Variants in NELL1 observed in about 807,000 individuals in gnomAD.
NELL1 encodes neural EGFL like 1.
NELL1 carries 76 observed loss-of-function variants against 107.4 expected under a neutral mutation model. The observed-to-expected ratio is 0.71, with a 90% CI of 0.59 to 0.86. NELL1 has a LOEUF of 0.86. Among genes scored for constraint, NELL1 ranks in the 40% least tolerant of loss-of-function variants. The pLI, the probability that NELL1 is intolerant of heterozygous loss-of-function variation, is 0.00. For missense variants in NELL1, 1,024 were observed against 1,005.5 expected, an observed-to-expected ratio of 1.02 and a Z score of -0.25; for synonymous variants, 353 against 341.2, an observed-to-expected ratio of 1.03 and a Z score of -0.38.
chr11:21,519,545 G>GTGT (rs1554927752), intron 15 of NELL1, among the ~76,000 whole-genome samples: 1 of 147,078 alleles, frequency 6.8e-6, no homozygotes. Flanking sequence ...TTTGTTTTTT[G>GTGT]TTTTTTTTTT....
chr11:21,309,288 A>ATATATGTATATATATATATGTG (rs1269347149), intron 14 of NELL1, among the ~76,000 whole-genome samples: 6 of 117,338 alleles, frequency 5.1e-5, no homozygotes, highest in African/African-American at 2.1e-4. Context: ...ATGTATATAT[A>ATATATGTATATATATATATGTG]TATATATATA....
At chr11:21,154,960 T>G (rs916030124) in intron 13 of NELL1, among the ~76,000 whole-genome samples, 1 of 152,044 alleles carries the variant, frequency 6.6e-6, no homozygotes, top group Admixed American at 6.6e-5. Context: ...TGTAAGCAAG[T>G]TGGTCTAGGG....
rs970710032 is a variant in NELL1, at chr11:20,697,391, G to A, written c.184+19331G>A. The stretch of plus-strand genomic sequence containing the variant: ...TGCATGAGTGCAAATTCTTTAATAT[G>A]TTGCTTTTTTTTTTTTTTTTCCTGC... On this transcript the variant is annotated intron_variant, in intron 2 of 19. Coordinates refer to ENST00000357134, the MANE Select transcript of NELL1 (RefSeq NM_006157.5). Among the ~76,000 whole-genome samples, 5 of 129,118 alleles carry A rather than the reference G, an allele frequency of 3.9e-5. No individual in the cohort carries two copies. The East Asian group carries it at 8.3e-4, about 22-fold the overall frequency. 84.7% of individuals were successfully genotyped at this position (129,118 alleles called of 152,430 possible).
intron 2 of NELL1, among the ~76,000 whole-genome samples, chr11:20,739,063 G>C (rs59970358): frequency 0.051 from 7,835 of 152,260 alleles, 642 homozygotes; most frequent in African/African-American, 0.18. Flanking sequence ...TAAAAATTCA[G>C]GTCCTTATTT....
chr11:20,981,945 G>T (rs1377955785), intron 12 of NELL1, among the ~76,000 whole-genome samples: 3 of 136,592 alleles, frequency 2.2e-5, no homozygotes, highest in African/African-American at 8.6e-5. Flanking sequence ...TGTCACCAGG[G>T]CTCTCTCTCT....
intron 3 of NELL1, among the ~76,000 whole-genome samples, chr11:20,787,543 G>A (rs1348571273): frequency 1.3e-5 from 2 of 152,128 alleles, no homozygotes; most frequent in African/African-American, 2.4e-5. Flanking sequence ...AGGATTTGGG[G>A]CTTTTCTTTA....
chr11:20,894,269 A>G (rs1326622490), intron 5 of NELL1, among the ~76,000 whole-genome samples: 1 of 152,216 alleles, frequency 6.6e-6, no homozygotes, highest in Non-Finnish European at 1.5e-5. Context: ...AAAGGAAAAG[A>G]CTGATCCATT....
intron 15 of NELL1, among the ~76,000 whole-genome samples, chr11:21,453,138 G>A (rs1405455084): frequency 6.6e-6 from 1 of 151,884 alleles, no homozygotes; most frequent in East Asian, 2.0e-4. Flanking sequence ...GGTCAATAGT[G>A]TTGTTCAAGT....
At chr11:20,997,120 T>C (rs1852108835) in intron 12 of NELL1, among the ~76,000 whole-genome samples, 1 of 152,210 alleles carries the variant, frequency 6.6e-6, no homozygotes, top group South Asian at 2.1e-4. Context: ...CATCAAAGTG[T>C]ATTTCACAAA....
At chr11:21,485,379 C>A (rs532497631) in intron 15 of NELL1, among the ~76,000 whole-genome samples, 197 of 152,188 alleles carry the variant, frequency 1.3e-3, no homozygotes, top group African/African-American at 4.7e-3. Context: ...TCTGCCTATT[C>A]TCCTCCCACT....
At chr11:21,411,270 A>G (rs1564881571) in intron 15 of NELL1, among the ~76,000 whole-genome samples, 1 of 152,078 alleles carries the variant, frequency 6.6e-6, no homozygotes, top group African/African-American at 2.4e-5. Flanking sequence ...TAGAAAGAGA[A>G]TGAGAGAAAA....
At chr11:20,975,559 TAC>T (rs1183146568) in intron 12 of NELL1, among the ~76,000 whole-genome samples, 30 of 131,628 alleles carry the variant, frequency 2.3e-4, no homozygotes, top group African/African-American at 8.1e-4. Flanking sequence ...TACATATATG[TAC>T]AGATATAATG....
chr11:21,211,429 G>A (rs913745104), intron 13 of NELL1, among the ~76,000 whole-genome samples: 5 of 152,158 alleles, frequency 3.3e-5, no homozygotes, highest in Non-Finnish European at 5.9e-5. Context: ...AAAGGCAAGA[G>A]CATACTGGGC....
chr11:20,756,054 G>A (rs1207174011), intron 2 of NELL1, among the ~76,000 whole-genome samples: 1 of 151,270 alleles, frequency 6.6e-6, no homozygotes, highest in Non-Finnish European at 1.5e-5. Context: ...CACCACACCC[G>A]GCTAATTTTT....
At chr11:21,412,851 A>G (rs1343220933) in intron 15 of NELL1, among the ~76,000 whole-genome samples, 2 of 152,228 alleles carry the variant, frequency 1.3e-5, no homozygotes, top group African/African-American at 4.8e-5. Context: ...TGCCAGCTGC[A>G]GAAAGTCTCA....
At chr11:21,065,440 C>T (rs1293663060) in intron 12 of NELL1, among the ~76,000 whole-genome samples, 1 of 152,196 alleles carries the variant, frequency 6.6e-6, no homozygotes, top group Non-Finnish European at 1.5e-5. Context: ...CTGTTTATGT[C>T]ATTGTGGAAC....
intron 10 of NELL1, among the ~76,000 whole-genome samples, chr11:20,941,717 C>G (rs1850859449): frequency 6.6e-6 from 1 of 152,218 alleles, no homozygotes; most frequent in Non-Finnish European, 1.5e-5. Context: ...TCTTACCTAT[C>G]TGATCCTGAT....
At chr11:21,100,686 G>A (rs1283965310) in intron 12 of NELL1, among the ~76,000 whole-genome samples, 1 of 152,140 alleles carries the variant, frequency 6.6e-6, no homozygotes, top group African/African-American at 2.4e-5. Flanking sequence ...CCAAAAGGTG[G>A]CTTGTTCTAA....
At chr11:21,311,963 G>A (rs1236431660) in intron 14 of NELL1, among the ~76,000 whole-genome samples, 3 of 152,078 alleles carry the variant, frequency 2.0e-5, no homozygotes, top group African/African-American at 7.2e-5. Flanking sequence ...TGGGATTAGT[G>A]CCTTCATAAA....
Sources: gnomAD v4.1 joint callset for allele counts (sites outside exome capture counted in the v4.1 genomes callset) on GRCh38, gnomAD v4.1.1 for gene constraint, MANE v1.5 for transcripts, NCBI Gene and HGNC (gene_info 2026-07-23, HGNC 2026-07-21) for gene names.